Variants in GSE1 observed in about 807,000 individuals in gnomAD.
GSE1 encodes the protein Gse1 coiled-coil protein.
Under a neutral mutation model 112.6 loss-of-function variants are expected in GSE1, and 32 were observed. The ratio of observed to expected loss-of-function variants is 0.28; its 90% CI spans 0.21 to 0.38. The LOEUF (loss-of-function observed/expected upper bound fraction) is 0.38. GSE1 is among the 10% of genes least tolerant of loss of function. The probability of loss-of-function intolerance (pLI) is 1.00; values close to 1 mark genes in which losing one functional copy is unlikely to be tolerated. For missense variants in GSE1, 2,348 were observed against 1,699.2 expected, an observed-to-expected ratio of 1.38 and a Z score of -6.71; for synonymous variants, 1,115 against 735.6, an observed-to-expected ratio of 1.52 and a Z score of -8.35.
At chr16:85,480,498 C>A (rs1461737995) in intron 2 of GSE1, among the ~76,000 whole-genome samples, 1 of 152,230 alleles carries the variant, frequency 6.6e-6, no homozygotes, top group Non-Finnish European at 1.5e-5. Flanking sequence ...CTCGACACTC[C>A]TGTGACTGCA....
At chr16:85,607,030 T>G (rs1044760122), upstream of GSE1, among the ~76,000 whole-genome samples, 1 of 138,768 alleles carries the variant, frequency 7.2e-6, no homozygotes, top group Non-Finnish European at 1.5e-5. Flanking sequence ...ACTGTCCAAT[T>G]AGCTTCCCAT....
chr16:85,597,134 A>G (rs2047263208), intron 1 of GSE1, among the ~76,000 whole-genome samples: 1 of 151,512 alleles, frequency 6.6e-6, no homozygotes, highest in Non-Finnish European at 1.5e-5. Context: ...GCCCGCCACC[A>G]TGCCCGGCTA....
intron 1 of GSE1, among the ~76,000 whole-genome samples, chr16:85,267,475 A>G (rs987762741): frequency 2.6e-5 from 4 of 152,006 alleles, no homozygotes; most frequent in African/African-American, 9.7e-5. Flanking sequence ...GGGTGGGGGA[A>G]TGGGGAGGTG....
At chr16:85,518,736 C>T (rs894484633) in intron 2 of GSE1, among the ~76,000 whole-genome samples, 1 of 152,028 alleles carries the variant, frequency 6.6e-6, no homozygotes, top group African/African-American at 2.4e-5. Context: ...GGGACGTGCT[C>T]TCAGGTGTGC....
intron 2 of GSE1, among the ~76,000 whole-genome samples, chr16:85,388,492 G>T (rs1347736421): frequency 8.9e-5 from 7 of 78,806 alleles, no homozygotes; most frequent in Non-Finnish European, 1.5e-4. Flanking sequence ...GGGTGGGTGG[G>T]TGGATGGATG....
intron 1 of GSE1, among the ~76,000 whole-genome samples, chr16:85,346,320 A>ATGGATGGATGATGGGCAGG (rs2046735941): frequency 2.0e-5 from 3 of 149,702 alleles, no homozygotes; most frequent in South Asian, 4.3e-4. Flanking sequence ...TGGATGATGG[A>ATGGATGGATGATGGGCAGG]TGGATGGATG....
intron 2 of GSE1, among the ~76,000 whole-genome samples, chr16:85,378,734 G>T (rs1398526470): frequency 6.6e-6 from 1 of 152,168 alleles, no homozygotes; most frequent in East Asian, 1.9e-4. Flanking sequence ...GAGTCTCTGG[G>T]CAGTGCCAGG....
intron 2 of GSE1, among the ~76,000 whole-genome samples, chr16:85,549,067 G>A (rs185253040): frequency 1.3e-5 from 2 of 152,170 alleles, no homozygotes. Context: ...GATTACAGCC[G>A]TGAGCCACCG....
chr16:85,312,207 G>T (rs982116833), intron 1 of GSE1, among the ~76,000 whole-genome samples: 1 of 150,204 alleles, frequency 6.7e-6, no homozygotes, highest in Non-Finnish European at 1.5e-5. Flanking sequence ...CCTCTTGCGG[G>T]GGGGGGGGGG....
chr16:85,648,809 C>T lies in GSE1; in HGVS notation c.426+58C>T, dbSNP rs531495231. 5 of 1,018,410 alleles carry T rather than the reference C, an allele frequency of 4.9e-6. No homozygotes were observed. The South Asian group carries it at 6.3e-5, about 13-fold the overall frequency. 63.1% of individuals were successfully genotyped at this position (1,018,410 alleles called of 1,614,324 possible). A position where few individuals can be genotyped will look rare whatever the true frequency, so the allele number is the denominator to read the frequency against. ...TCTAAGTGGGGAGGCTGGATTCAGG[C>T]ATCCATTGGGGGCTCTGGAGCTTTC... On this transcript the variant is annotated intron_variant, in intron 3 of 15. Transcript: ENST00000253458.
intron 1 of GSE1, among the ~76,000 whole-genome samples, chr16:85,347,886 C>A (rs1410206817): frequency 6.6e-6 from 1 of 152,160 alleles, no homozygotes; most frequent in African/African-American, 2.4e-5. Flanking sequence ...GTCAACTGAA[C>A]CCAGATTTTT....
intron 2 of GSE1, among the ~76,000 whole-genome samples, chr16:85,362,380 A>G (rs1159875268): frequency 1.3e-5 from 2 of 152,158 alleles, no homozygotes; most frequent in Non-Finnish European, 2.9e-5. Context: ...CCCTAGAACA[A>G]TTATCTTTGT....
intron 1 of GSE1, among the ~76,000 whole-genome samples, chr16:85,619,356 G>C (rs1480159792): frequency 6.6e-6 from 1 of 151,906 alleles, no homozygotes; most frequent in African/African-American, 2.4e-5. Flanking sequence ...TGTTGGACAG[G>C]TTAAGCCGTC....
At chr16:85,420,819 G>A (rs971938295) in intron 2 of GSE1, among the ~76,000 whole-genome samples, 5 of 152,162 alleles carry the variant, frequency 3.3e-5, no homozygotes, top group African/African-American at 1.2e-4. Flanking sequence ...TAGAGAGGCT[G>A]CAGGGCACCC....
At chr16:85,395,241 A>C (rs1467359697) in intron 2 of GSE1, among the ~76,000 whole-genome samples, 2 of 152,150 alleles carry the variant, frequency 1.3e-5, no homozygotes, top group African/African-American at 4.8e-5. Context: ...GAACAGGTAA[A>C]ATCTATACGA....
At chr16:85,452,134 GA>G (rs763903859) in intron 2 of GSE1, among the ~76,000 whole-genome samples, 9 of 152,200 alleles carry the variant, frequency 5.9e-5, no homozygotes, top group Non-Finnish European at 1.3e-4. Context: ...GGATTTTAAT[GA>G]AACGAATGGG....
Position 85,410,586 on chromosome 16 carries a change from A to T in GSE1, c.2464+52943A>T, listed in dbSNP as rs1190845705. Among the ~76,000 whole-genome samples the T allele has an allele frequency of 1.5e-3, 10 of 6,454 alleles. 2 individuals carry two copies. The highest frequency in any genetic ancestry group is 7.6e-3 in the African/African-American group (7 of 926). The allele number at this position is 6,454 out of a possible 152,430, so 4.2% of individuals were successfully genotyped here. On this transcript the variant is annotated intron_variant, in intron 2 of 2. Coordinates refer to the GSE1 transcript ENST00000637419. Reference sequence around the variant, plus strand: ...TCCCTCTGATAATCCTCGCTGTTACACTCAGGCCCCCCGGATAATCCTTAC... The same window carrying T: ...TCCCTCTGATAATCCTCGCTGTTACTCTCAGGCCCCCCGGATAATCCTTAC...
intron 1 of GSE1, among the ~76,000 whole-genome samples, chr16:85,295,770 T>G (rs745908861): frequency 0.02 from 2 of 100 alleles, no homozygotes; most frequent in Admixed American, 0.5. Context: ...ATTCGTAACT[T>G]TTTTTTTTTT....
At chr16:85,349,322 G>C (rs1423457891) in intron 1 of GSE1, among the ~76,000 whole-genome samples, 1 of 152,116 alleles carries the variant, frequency 6.6e-6, no homozygotes, top group Non-Finnish European at 1.5e-5. Context: ...TACTGTTTTT[G>C]GCTTCTGACA....
Sources: allele counts gnomAD v4.1 joint callset (sites outside exome capture counted in the v4.1 genomes callset), GRCh38; gene constraint gnomAD v4.1.1; transcripts MANE v1.5; gene names NCBI Gene and HGNC (gene_info 2026-07-23, HGNC 2026-07-21).